The following HSDL1 variants were observed in gnomAD, a reference collection of about 807,000 sequenced individuals.
HSDL1 encodes hydroxysteroid dehydrogenase like 1, also known as inactive hydroxysteroid dehydrogenase-like protein 1.
In HSDL1, 29 loss-of-function variants were observed where a neutral mutation model predicts 31.5. The observed-to-expected ratio is 0.92, with a 90% CI of 0.69 to 1.26. The LOEUF is 1.26. Among genes scored for constraint, HSDL1 ranks in the 50% most tolerant of loss-of-function variants. The pLI is 0.00. For synonymous variants in HSDL1, 222 were observed against 155.2 expected, an observed-to-expected ratio of 1.43 and a Z score of -3.20; for missense variants, 503 against 416.6, an observed-to-expected ratio of 1.21 and a Z score of -1.81.
In HSDL1 at chr16:84,122,289, GAAAC is replaced by G. The variant is rs1178908806; in HGVS notation, c.*2337_*2340del. On this transcript the variant is annotated 3_prime_UTR_variant, in exon 6 of 6. Coordinates refer to ENST00000219439, the MANE Select transcript of HSDL1 (RefSeq NM_031463.5). ...CATCTGGAACAAAACTCTTCCAAAG[GAAAC>G]AAACAACTACTTTTATTGTTAAACT... 4 of 151,838 alleles carry G rather than the reference GAAAC, an allele frequency of 2.6e-5. No homozygotes were observed. The highest frequency in any genetic ancestry group is 9.7e-5 in the African/African-American group (4 of 41,208). The allele number at this position is 151,838 out of a possible 1,614,324, so 9.4% of individuals were successfully genotyped here. A position where few individuals can be genotyped will look rare whatever the true frequency, so the allele number is the denominator to read the frequency against.
At chr16:84,126,102 C>CAAAAAAAAAAA (rs144379672) in intron 5 of HSDL1, among the ~76,000 whole-genome samples, 1 of 102,608 alleles carries the variant, frequency 9.7e-6, no homozygotes, top group Non-Finnish European at 2.0e-5. Context: ...AACTCTGTCT[C>CAAAAAAAAAAA]AAAAAAAAAA....
At chr16:84,126,116 A>C (rs1172083049) in intron 5 of HSDL1, among the ~76,000 whole-genome samples, 1 of 152,040 alleles carries the variant, frequency 6.6e-6, no homozygotes, top group Non-Finnish European at 1.5e-5. Flanking sequence ...AAAAAAAAAA[A>C]AAACACCACA....
intron 4 of HSDL1, 84 bp downstream of exon 4, chr16:84,129,902 A>G (rs1216697449): frequency 1.4e-6 from 2 of 1,465,806 alleles, no homozygotes; most frequent in Admixed American, 4.0e-5. Flanking sequence ...GTTGCTGACA[A>G]AGAGTTCAAC....
chr16:84,137,751 G>C (rs1223882167), intron 1 of HSDL1, among the ~76,000 whole-genome samples: 1 of 152,340 alleles, frequency 6.6e-6, no homozygotes, highest in Non-Finnish European at 1.5e-5. Context: ...CATGACAAAA[G>C]AAATCAGTAC....
chr16:84,137,566 C>T (rs561425002), intron 1 of HSDL1, among the ~76,000 whole-genome samples: 4 of 152,208 alleles, frequency 2.6e-5, no homozygotes, highest in Admixed American at 2.6e-4. Context: ...AGGAGGGCCA[C>T]ACGGAGAGCC....
At chr16:84,144,236 G>C (rs984232940) in intron 1 of HSDL1, 8 of 152,124 alleles carry the variant, frequency 5.3e-5, no homozygotes, top group African/African-American at 1.9e-4. Context: ...GGGAAATTGA[G>C]TCTTATAGAT....
rs750080635 is a variant in HSDL1, at chr16:84,123,678, T to A, written c.*952A>T. 7.9e-5 allele frequency: 12 copies of A among 152,732 alleles called. No homozygotes were observed. Among genetic ancestry groups the A allele is most frequent in the Admixed American group, 2.0e-4 (3 of 15,292 alleles). The allele number at this position is 152,732 out of a possible 1,614,324, so 9.5% of individuals were successfully genotyped here. A position where few individuals can be genotyped will look rare whatever the true frequency, so the allele number is the denominator to read the frequency against. On this transcript the variant is annotated 3_prime_UTR_variant, in exon 6 of 6. Coordinates refer to ENST00000219439, the MANE Select transcript of HSDL1 (RefSeq NM_031463.5). The stretch of plus-strand genomic sequence containing the variant: ...TATCAATAATGCTACTGGAATGGAA[T>A]AATATTACATAGAAAAACGTAGGAA...
At chr16:84,136,614 A>C (rs2086714967) in intron 1 of HSDL1, among the ~76,000 whole-genome samples, 1 of 152,212 alleles carries the variant, frequency 6.6e-6, no homozygotes, top group Admixed American at 6.5e-5. Context: ...AGGCCAGCAG[A>C]GGAGATGCAC....
chr16:84,143,978 A>T (rs1023725223), intron 1 of HSDL1, among the ~76,000 whole-genome samples: 4 of 151,856 alleles, frequency 2.6e-5, no homozygotes, highest in Admixed American at 1.3e-4. Flanking sequence ...CGCAGGCACC[A>T]TTGCACTACA....
At position 84,142,493 on chromosome 16, in the gene HSDL1, T is replaced by C. The variant is rs375311958; in HGVS notation, c.-69+2587A>G. Among the ~76,000 whole-genome samples, 139 of 121,736 alleles carry C rather than the reference T, an allele frequency of 1.1e-3. 4 individuals carry two copies. In the South Asian group the frequency reaches 0.035, roughly 31 times the overall value. 79.9% of individuals were successfully genotyped at this position (121,736 alleles called of 152,430 possible). Reference sequence around the variant, plus strand: ...CTCTGTCACCCAGGCTGGAGTGCAATGGCGCGATCTTAGCTCACTGCAACC... The same window carrying C: ...CTCTGTCACCCAGGCTGGAGTGCAACGGCGCGATCTTAGCTCACTGCAACC... On this transcript the variant is annotated intron_variant, in intron 1 of 5. Transcript: ENST00000219439.
rs1283570339 is a variant in HSDL1 at position 84,122,625 on chromosome 16, T to C, written c.*2005A>G. 1 of 152,302 alleles carries C rather than the reference T, an allele frequency of 6.6e-6. No homozygotes were observed. The highest frequency in any genetic ancestry group is 2.4e-5 in the African/African-American group (1 of 41,456). The allele number at this position is 152,302 out of a possible 1,614,324, so 9.4% of individuals were successfully genotyped here. On this transcript the variant is annotated 3_prime_UTR_variant, in exon 6 of 6. Transcript: ENST00000219439. ...CCCTGGCCTTCCAAACTGCTGGGAT[T>C]ACAGGTGTGAGCCACCGCACTCGGC...
At chr16:84,132,439 T>C (rs567131186) in intron 2 of HSDL1, among the ~76,000 whole-genome samples, 3 of 152,282 alleles carry the variant, frequency 2.0e-5, no homozygotes, top group South Asian at 2.1e-4. Context: ...CAAATGACAA[T>C]AGAGGGAGCA....
intron 1 of HSDL1, among the ~76,000 whole-genome samples, chr16:84,137,933 A>C (rs1232664115): frequency 6.6e-6 from 1 of 152,220 alleles, no homozygotes; most frequent in Non-Finnish European, 1.5e-5. Context: ...GATTAGCGAA[A>C]GCTATTAACC....
At chr16:84,126,423 C>T (rs1036279477) in intron 5 of HSDL1, among the ~76,000 whole-genome samples, 1 of 152,114 alleles carries the variant, frequency 6.6e-6, no homozygotes, top group Admixed American at 6.6e-5. Flanking sequence ...GTGGATGCTA[C>T]TGGTATCTAG....
At chr16:84,126,739 C>T (rs1433071785) in intron 5 of HSDL1, among the ~76,000 whole-genome samples, 2 of 151,738 alleles carry the variant, frequency 1.3e-5, no homozygotes, top group East Asian at 3.9e-4. Context: ...CCCACACCCA[C>T]ACACACACAC....
At chr16:84,132,808 A>G (rs2086680751) in intron 2 of HSDL1, among the ~76,000 whole-genome samples, 1 of 152,150 alleles carries the variant, frequency 6.6e-6, no homozygotes, top group African/African-American at 2.4e-5. Flanking sequence ...CCTGCGAAAG[A>G]CAAAATATCA....
chr16:84,130,457 G>A (rs561413768), intron 3 of HSDL1, 26 bp from the exon 4 acceptor site: 8 of 1,575,578 alleles, frequency 5.1e-6, no homozygotes, highest in Non-Finnish European at 6.0e-6. Context: ...GGAAAAGTGA[G>A]CATGTGTATT....
At chr16:84,125,623 A>G (rs1416181678) in intron 5 of HSDL1, among the ~76,000 whole-genome samples, 1 of 152,248 alleles carries the variant, frequency 6.6e-6, no homozygotes, top group East Asian at 1.9e-4. Context: ...ACAAAGGAAA[A>G]AGCCTCCAGG....
intron 1 of HSDL1, 83 bp from the exon 2 acceptor site, chr16:84,135,688 C>G (rs1597377522): frequency 6.6e-6 from 1 of 152,236 alleles, no homozygotes; most frequent in Admixed American, 6.5e-5. Flanking sequence ...AAGTAACATC[C>G]AAGTGCTCAA....
Sources: allele counts gnomAD v4.1 joint callset (sites outside exome capture counted in the v4.1 genomes callset), GRCh38; gene constraint gnomAD v4.1.1; transcripts MANE v1.5; gene names NCBI Gene and HGNC (gene_info 2026-07-23, HGNC 2026-07-21).